The following NCKAP1L variants were observed in gnomAD, a reference collection of about 807,000 sequenced individuals.
NCKAP1L encodes the protein nck-associated protein 1-like.
NCKAP1L carries 53 observed loss-of-function variants against 139.2 expected under a neutral mutation model. That is an observed-to-expected ratio of 0.38 (90% CI 0.31 to 0.48). NCKAP1L has a LOEUF of 0.48. NCKAP1L is among the 20% of genes least tolerant of loss of function. The pLI is 0.98. For synonymous variants in NCKAP1L, 468 were observed against 499.7 expected (o/e 0.94, Z 0.85); for missense variants, 1,151 against 1,381.9 (o/e 0.83, Z 2.65).
At chr12:54,540,075 T>C (rs1957145094) in intron 30 of NCKAP1L, among the ~76,000 whole-genome samples, 1 of 152,200 alleles carries the variant, frequency 6.6e-6, no homozygotes, top group African/African-American at 2.4e-5. Context: ...AGCCCAAAAA[T>C]TCTTAATTCA....
intron 3 of NCKAP1L, among the ~76,000 whole-genome samples, chr12:54,503,487 G>A (rs1956817633): frequency 6.6e-6 from 1 of 151,866 alleles, no homozygotes; most frequent in Non-Finnish European, 1.5e-5. Flanking sequence ...ATACTCCATT[G>A]CATTATTTAT....
Position 54,517,590 on chromosome 12 carries a change from C to T in NCKAP1L, c.1153C>T (p.Arg385Cys), listed in dbSNP as rs755272590. Residue 385 changes from arginine (R) to cysteine (C), a missense_variant, in exon 12 of 31, where the codon CGC becomes TGC. Physicochemically the swap from Arg to Cys is radical, Grantham distance 180. Coordinates refer to ENST00000293373, the MANE Select transcript of NCKAP1L (RefSeq NM_005337.5). ...TCGTGATGAGGTCACCTGGCTGGTT[C>T]GCCACACAGAGAATGTCACCAAGAC... is the stretch of plus-strand genomic sequence containing the variant. Reference protein sequence around the residue: ...FIRDEVTWLVRHTENVTKTKT... With the variant: ...FIRDEVTWLVCHTENVTKTKT... The T allele has an allele frequency of 3.1e-6, 5 of 1,614,064 alleles. No individual in the cohort carries two copies. Among genetic ancestry groups the T allele is most frequent in the South Asian group, 1.1e-5 (1 of 91,080 alleles).
rs1161098854 is a variant in NCKAP1L, at chr12:54,531,313, GA to G, written c.2564del (p.Asn855ThrfsTer2). 6.2e-7 allele frequency: 1 copy of G among 1,614,160 alleles called. No individual in the cohort carries two copies. Among genetic ancestry groups the G allele is most frequent in the South Asian group, 1.1e-5 (1 of 91,080 alleles). On this transcript the variant is annotated frameshift_variant, in exon 23 of 31. Transcript: ENST00000293373. LOFTEE classifies it high-confidence loss of function. ...CCCCTATGGCATGAAGTTCCTGAGT[GA>G]AAACCTGATGTGGCATGTGACCTCT... ...LGPYGMKFLS[E>X]NLMWHVTSQI... is the part of the protein sequence containing the mutation.
intron 6 of NCKAP1L, 40 bp from the exon 7 acceptor site, chr12:54,509,808 T>G (rs1457995637): frequency 6.2e-7 from 1 of 1,614,204 alleles, no homozygotes; most frequent in East Asian, 2.2e-5. Context: ...TATATTGTCC[T>G]CATGATTGCC....
At chr12:54,538,596 A>T (rs78786787) in intron 29 of NCKAP1L, among the ~76,000 whole-genome samples, 7 of 152,316 alleles carry the variant, frequency 4.6e-5, no homozygotes, top group Non-Finnish European at 7.3e-5. Context: ...ATCTCCTGGC[A>T]TACATCACCT....
At chr12:54,508,246 T>G in intron 4 of NCKAP1L, 143 bp from the exon 5 acceptor site, 1 of 927,786 alleles carries the variant, frequency 1.1e-6, no homozygotes, top group South Asian at 1.7e-5. Flanking sequence ...ATTTTCTTAT[T>G]CTTCTTTTCA....
chr12:54,537,570 T>C (rs533293334), intron 29 of NCKAP1L, among the ~76,000 whole-genome samples: 45 of 152,324 alleles, frequency 3.0e-4, no homozygotes, highest in African/African-American at 1.0e-3. Context: ...GGAGATCAGA[T>C]GCACATTCAA....
chr12:54,510,204 A>G, intron 7 of NCKAP1L: 1 of 602,040 alleles, frequency 1.7e-6, no homozygotes, highest in South Asian at 2.1e-5. Context: ...AGTGATCTAT[A>G]AGCAGTTAGC....
intron 1 of NCKAP1L, chr12:54,498,677 T>C: frequency 2.0e-6 from 1 of 492,408 alleles, no homozygotes; most frequent in Non-Finnish European, 2.6e-6. Context: ...ACTTACATAG[T>C]GAACAAAATT....
chr12:54,531,808 C>T lies in NCKAP1L; in HGVS notation c.2764C>T (p.Gln922Ter). Residue 922 changes from glutamine to a stop codon, truncating the protein, a stop_gained, in exon 25 of 31, where the codon CAA becomes TAA. Transcript: ENST00000293373. LOFTEE classifies it high-confidence loss of function. ...TATCCTCAGTTTCAGGGCCATGGCCCAAGAGGGACTTCGGGAGGTGAGTTG... is the reference window on the plus strand; with the variant it reads ...TATCCTCAGTTTCAGGGCCATGGCCTAAGAGGGACTTCGGGAGGTGAGTTG... ...GVILSFRAMA[Q>*]EGLREVFSSH... 1 of 1,611,544 alleles carries T rather than the reference C, an allele frequency of 6.2e-7. No homozygotes were observed. The highest frequency in any genetic ancestry group is 8.5e-7 in the Non-Finnish European group (1 of 1,177,826).
chr12:54,522,845 T>G (rs1263657407), intron 18 of NCKAP1L, among the ~76,000 whole-genome samples: 1 of 152,128 alleles, frequency 6.6e-6, no homozygotes, highest in African/African-American at 2.4e-5. Flanking sequence ...GCCAGGTTGA[T>G]GTTTAAGCTA....
chr12:54,509,849 C>T lies in NCKAP1L; in HGVS notation c.599C>T (p.Ala200Val). 1 of 1,614,222 alleles carries T rather than the reference C, an allele frequency of 6.2e-7. No homozygotes were observed. The highest frequency in any genetic ancestry group is 8.5e-7 in the Non-Finnish European group (1 of 1,180,026). Reference protein sequence around the residue: ...LTEEFGPHTKAVSGALLSLHF... With the variant: ...LTEEFGPHTKVVSGALLSLHF... Reference sequence around the variant, plus strand: ...GGTTTCATTTGCTTTTCCCCACAGGCTGTGAGTGGAGCCCTCCTCTCTTTG... The same window carrying T: ...GGTTTCATTTGCTTTTCCCCACAGGTTGTGAGTGGAGCCCTCCTCTCTTTG... The change falls in exon 7 of 31, where the codon GCT (alanine) becomes GTT (valine). Residue 200 changes from alanine to valine, a missense_variant and splice_region_variant. Transcript: ENST00000293373.
intron 1 of NCKAP1L, among the ~76,000 whole-genome samples, chr12:54,499,001 C>G (rs1956774536): frequency 6.6e-6 from 1 of 151,650 alleles, no homozygotes. Context: ...TCTTGGCTCA[C>G]TGCAACCTCC....
intron 28 of NCKAP1L, 43 bp downstream of exon 28, chr12:54,536,288 A>C (rs1172467683): frequency 1.5e-6 from 2 of 1,341,978 alleles, no homozygotes; most frequent in Non-Finnish European, 2.1e-6. Context: ...TATTCAAGTT[A>C]GTGTCCTGGG....
At chr12:54,521,886 A>ATG (rs34410189) in intron 18 of NCKAP1L, among the ~76,000 whole-genome samples, 49,630 of 147,156 alleles carry the variant, frequency 0.34, 9,085 homozygotes, top group East Asian at 0.78. Flanking sequence ...GAGTGTGTGT[A>ATG]TGTGTGTGTG....
Position 54,538,936 on chromosome 12 carries a change from C to T in NCKAP1L, c.3236C>T (p.Thr1079Ile). 1.2e-6 allele frequency: 2 copies of T among 1,614,064 alleles called. No individual in the cohort carries two copies. Among genetic ancestry groups the T allele is most frequent in the African/African-American group, 1.3e-5 (1 of 75,036 alleles). Residue 1079 changes from threonine (T) to isoleucine (I), a missense_variant, in exon 30 of 31, where the codon ACC becomes ATC. Coordinates refer to ENST00000293373, the MANE Select transcript of NCKAP1L (RefSeq NM_005337.5). Reference sequence around the variant, plus strand: ...GGCCAGGAGACTGACAAGCTTAAAACCAGAAATCGAGAATCCATTTCTCTG... The same window carrying T: ...GGCCAGGAGACTGACAAGCTTAAAATCAGAAATCGAGAATCCATTTCTCTG... ...QLGQETDKLK[T>I]RNRESISLLM... is the part of the protein sequence containing the mutation.
chr12:54,506,865 C>G (rs1475596658), intron 3 of NCKAP1L, among the ~76,000 whole-genome samples: 4 of 125,570 alleles, frequency 3.2e-5, no homozygotes, highest in Admixed American at 9.2e-5. Flanking sequence ...AATGAAAGTA[C>G]CAATATTCAG....
Position 54,536,860 on chromosome 12 carries a change from G to T in NCKAP1L, c.3074-84G>T, listed in dbSNP as rs143287892. The T allele has an allele frequency of 1.0e-4, 93 of 899,482 alleles. No individual in the cohort carries two copies. The African/African-American group carries it at 1.4e-3, about 14-fold the overall frequency. 55.7% of individuals were successfully genotyped at this position (899,482 alleles called of 1,614,324 possible). A position where few individuals can be genotyped will look rare whatever the true frequency, so the allele number is the denominator to read the frequency against. ...CTGGTGGCTCAGCCTGAAAACATGA[G>T]AAATTACTAGTTTGGGTCATCCTGG... On this transcript the variant is annotated intron_variant, in intron 28 of 30. Transcript: ENST00000293373.
At chr12:54,525,772 C>T (rs1957021032) in intron 20 of NCKAP1L, among the ~76,000 whole-genome samples, 3 of 152,030 alleles carry the variant, frequency 2.0e-5, no homozygotes. Flanking sequence ...CCAAAAAACA[C>T]AAAACAAACA....
Sources: gnomAD v4.1 joint callset for allele counts (sites outside exome capture counted in the v4.1 genomes callset) on GRCh38, gnomAD v4.1.1 for gene constraint, MANE v1.5 for transcripts, NCBI Gene and HGNC (gene_info 2026-07-23, HGNC 2026-07-21) for gene names.